The following ZMAT4 variants were observed in gnomAD, a reference collection of about 807,000 sequenced individuals.
The protein encoded by ZMAT4 is zinc finger matrin-type 4, also known as zinc finger matrin-type protein 4.
ZMAT4 carries 17 observed loss-of-function variants against 28.7 expected under a neutral mutation model. That is an observed-to-expected ratio of 0.59 (90% CI 0.41 to 0.89). ZMAT4 has a LOEUF of 0.89. Among genes scored for constraint, ZMAT4 ranks in the 40% least tolerant of loss-of-function variants. The pLI is 0.00. For synonymous variants in ZMAT4, 117 were observed against 109.2 expected (o/e 1.07, Z -0.44); for missense variants, 240 against 283.8 (o/e 0.85, Z 1.11).
chr8:40,783,259 G>A (rs1813918915), intron 2 of ZMAT4, among the ~76,000 whole-genome samples: 1 of 152,174 alleles, frequency 6.6e-6, no homozygotes, highest in Non-Finnish European at 1.5e-5. Context: ...CTACAACATG[G>A]ATATGCCTTG....
At chr8:40,717,700 A>G (rs1015100551) in intron 3 of ZMAT4, among the ~76,000 whole-genome samples, 2 of 152,218 alleles carry the variant, frequency 1.3e-5, no homozygotes, top group Non-Finnish European at 2.9e-5. Flanking sequence ...ATCATAAATA[A>G]ATAAAAACAA....
At position 40,722,612 on chromosome 8, in the gene ZMAT4, A is replaced by G. The variant is rs1205707043; in HGVS notation, c.193-25211T>C. On this transcript the variant is annotated intron_variant, in intron 3 of 6. Transcript: ENST00000297737. ...ATTCACATTACTCTCAAAAAGCCTA[A>G]TATTCCTGCTCTTTTTTCTTTGATG... Among the ~76,000 whole-genome samples the G allele has an allele frequency of 2.0e-5, 3 of 152,314 alleles. No individual in the cohort carries two copies. In the East Asian group the frequency reaches 5.8e-4, roughly 29 times the overall value.
At chr8:40,577,465 A>G (rs535081035) in intron 6 of ZMAT4, among the ~76,000 whole-genome samples, 24 of 152,208 alleles carry the variant, frequency 1.6e-4, no homozygotes, top group Admixed American at 2.6e-4. Flanking sequence ...ATGAAAGCTA[A>G]AAGAGCTGAT....
chr8:40,824,292 A>C (rs1586120399), intron 2 of ZMAT4, among the ~76,000 whole-genome samples: 1 of 152,184 alleles, frequency 6.6e-6, no homozygotes, highest in African/African-American at 2.4e-5. Flanking sequence ...ATAAAAGTAA[A>C]AAATTAGCTG....
At position 40,652,914 on chromosome 8, in the gene ZMAT4, C is replaced by T; in HGVS notation, c.577+21790G>A. On this transcript the variant is annotated intron_variant, in intron 5 of 6. Coordinates refer to ENST00000297737, the MANE Select transcript of ZMAT4 (RefSeq NM_024645.3). The stretch of plus-strand genomic sequence containing the variant: ...CACATGGACACAGGAAGGGGAATAT[C>T]ACACTCTGGGGACCGTTGTGGGGTG... 1.5e-5 allele frequency among the ~76,000 whole-genome samples: 2 copies of T among 131,918 alleles called. 1 individual carries two copies. The highest frequency in any genetic ancestry group is 3.1e-5 in the Non-Finnish European group (2 of 64,952). 86.5% of individuals were successfully genotyped at this position (131,918 alleles called of 152,430 possible). A position where few individuals can be genotyped will look rare whatever the true frequency, so the allele number is the denominator to read the frequency against.
chr8:40,694,950 G>T (rs1247887380), intron 4 of ZMAT4, among the ~76,000 whole-genome samples: 2 of 152,144 alleles, frequency 1.3e-5, no homozygotes, highest in African/African-American at 4.8e-5. Flanking sequence ...TCCAGAGAGG[G>T]TCCTGCCCCA....
chr8:40,576,087 T>A (rs1249205104), intron 6 of ZMAT4, among the ~76,000 whole-genome samples: 1 of 151,954 alleles, frequency 6.6e-6, no homozygotes. Flanking sequence ...TAAGCTTGAA[T>A]ATACACCTTT....
At chr8:40,638,146 A>G (rs1294525444) in intron 5 of ZMAT4, among the ~76,000 whole-genome samples, 1 of 152,182 alleles carries the variant, frequency 6.6e-6, no homozygotes, top group Non-Finnish European at 1.5e-5. Context: ...GATCTATTGT[A>G]CAATATAGTG....
At chr8:40,679,645 C>T (rs1475792715) in intron 4 of ZMAT4, among the ~76,000 whole-genome samples, 1 of 152,188 alleles carries the variant, frequency 6.6e-6, no homozygotes, top group Non-Finnish European at 1.5e-5. Context: ...TTACTTCCCA[C>T]TGGGTCCCCC....
intron 5 of ZMAT4, among the ~76,000 whole-genome samples, chr8:40,621,413 A>T (rs1806192613): frequency 1.3e-5 from 2 of 152,194 alleles, no homozygotes; most frequent in African/African-American, 4.8e-5. Flanking sequence ...ATACAGTTCC[A>T]TCAGCTGGTG....
At chr8:40,767,320 T>A (rs1396267809) in intron 3 of ZMAT4, among the ~76,000 whole-genome samples, 1 of 152,162 alleles carries the variant, frequency 6.6e-6, no homozygotes, top group Non-Finnish European at 1.5e-5. Context: ...TGAGGTCCTG[T>A]CTTCTTAATA....
At chr8:40,573,447 T>A (rs1804162554) in intron 6 of ZMAT4, among the ~76,000 whole-genome samples, 1 of 152,186 alleles carries the variant, frequency 6.6e-6, no homozygotes, top group Non-Finnish European at 1.5e-5. Flanking sequence ...GCACTTAGCC[T>A]TCTTCTCTGT....
At chr8:40,650,288 C>T (rs1807574513) in intron 5 of ZMAT4, among the ~76,000 whole-genome samples, 2 of 151,892 alleles carry the variant, frequency 1.3e-5, no homozygotes, top group African/African-American at 2.4e-5. Flanking sequence ...TCAGAGAATA[C>T]TACAAACACG....
intron 3 of ZMAT4, among the ~76,000 whole-genome samples, chr8:40,698,509 G>A (rs1809992361): frequency 6.6e-6 from 1 of 152,186 alleles, no homozygotes; most frequent in African/African-American, 2.4e-5. Context: ...AAGCTGGAAT[G>A]AGTATATGGC....
chr8:40,831,631 C>A (rs1167024108), intron 1 of ZMAT4, among the ~76,000 whole-genome samples: 1 of 152,226 alleles, frequency 6.6e-6, no homozygotes, highest in Admixed American at 6.5e-5. Flanking sequence ...TCTAGAAGAT[C>A]TAATAACCTA....
chr8:40,802,499 T>C (rs1814892240), intron 2 of ZMAT4, among the ~76,000 whole-genome samples: 1 of 151,966 alleles, frequency 6.6e-6, no homozygotes, highest in Admixed American at 6.5e-5. Flanking sequence ...TTTATAAATA[T>C]AATAAAATAT....
intron 6 of ZMAT4, 64 bp from the exon 7 acceptor site, chr8:40,532,302 C>G: frequency 2.7e-6 from 4 of 1,463,498 alleles, no homozygotes; most frequent in Non-Finnish European, 3.7e-6. Flanking sequence ...ACACCTCTTT[C>G]TCCCCCCCAC....
intron 5 of ZMAT4, among the ~76,000 whole-genome samples, chr8:40,667,923 TGAACTTTATGA>T (rs970930586): frequency 4.6e-5 from 7 of 152,012 alleles, no homozygotes; most frequent in African/African-American, 1.7e-4. Context: ...ATAAAAACCT[TGAACTTTATGA>T]GAAATACTTT....
chr8:40,753,150 T>A (rs1438139806), intron 3 of ZMAT4, among the ~76,000 whole-genome samples: 9 of 151,504 alleles, frequency 5.9e-5, no homozygotes, highest in Non-Finnish European at 7.4e-5. Context: ...GAACATGCAG[T>A]GTTTGTTTTT....
Sources: allele counts gnomAD v4.1 joint callset (sites outside exome capture counted in the v4.1 genomes callset), GRCh38; gene constraint gnomAD v4.1.1; transcripts MANE v1.5; gene names NCBI Gene and HGNC (gene_info 2026-07-23, HGNC 2026-07-21).